P2RY6: variants seen among roughly 807,000 people sequenced by gnomAD.
P2RY6 encodes pyrimidinergic receptor P2Y6, also known as P2Y purinoceptor 6.
A neutral mutation model predicts 16.3 loss-of-function variants in P2RY6; 19 were observed. The observed-to-expected ratio is 1.16, with a 90% confidence interval of 0.81 to 1.71. The LOEUF (loss-of-function observed/expected upper bound fraction) is 1.71. Ranked by LOEUF, P2RY6 falls within the 40% of genes most tolerant of loss-of-function variation. The pLI, the probability that P2RY6 is intolerant of heterozygous loss-of-function variation, is 0.00. For synonymous variants in P2RY6, 184 were observed against 201.5 expected (o/e 0.91, Z 0.74); for missense variants, 389 against 455.5 (o/e 0.85, Z 1.33).
At position 73,297,813 on chromosome 11, in the gene P2RY6, G is replaced by T; in HGVS notation, c.*308G>T. Reference sequence around the variant, plus strand: ...GTGTGACGTGTACTGTCATCAAGGGGTATGCTCCATGCTTTGAGTCACCAA... The same window carrying T: ...GTGTGACGTGTACTGTCATCAAGGGTTATGCTCCATGCTTTGAGTCACCAA... On this transcript the variant is annotated 3_prime_UTR_variant, in exon 3 of 3. Coordinates refer to ENST00000540124, the MANE Select transcript of P2RY6 (RefSeq NM_001277204.2). 2.7e-6 allele frequency: 1 copy of T among 370,232 alleles called. No individual in the cohort carries two copies. The highest frequency in any genetic ancestry group is 5.1e-6 in the Non-Finnish European group (1 of 194,974). The allele number at this position is 370,232 out of a possible 1,614,324, so 22.9% of individuals were successfully genotyped here. A position where few individuals can be genotyped will look rare whatever the true frequency, so the allele number is the denominator to read the frequency against.
upstream of P2RY6, chr11:73,271,432 C>T (rs888563418): frequency 6.6e-6 from 1 of 152,200 alleles, no homozygotes; most frequent in South Asian, 2.1e-4. Context: ...ACTTCTGTCC[C>T]TTTTAAGGGC....
intron 1 of P2RY6, among the ~76,000 whole-genome samples, chr11:73,285,611 G>A (rs1327592606): frequency 6.6e-6 from 1 of 152,224 alleles, no homozygotes; most frequent in Admixed American, 6.5e-5. Context: ...GATCACTGAC[G>A]GATTGGTGGC....
At chr11:73,289,200 G>A (rs974549291) in intron 1 of P2RY6, among the ~76,000 whole-genome samples, 1 of 152,370 alleles carries the variant, frequency 6.6e-6, no homozygotes, top group Admixed American at 6.5e-5. Context: ...TCCATACTGA[G>A]TCGCTCCTGC....
rs1411301152 is a variant in P2RY6 at position 73,290,342 on chromosome 11, AGAAAGAAAGAAAGAAAGAAAGAAG to A, written c.-120-5377_-120-5354del. Among the ~76,000 whole-genome samples the A allele has an allele frequency of 5.3e-3, 776 of 145,896 alleles. 2 individuals are homozygous for A. Among genetic ancestry groups the A allele is most frequent in the African/African-American group, 9.4e-3 (364 of 38,574 alleles). On this transcript the variant is annotated intron_variant, in intron 1 of 2. Coordinates refer to ENST00000540124, the MANE Select transcript of P2RY6 (RefSeq NM_001277204.2). ...AAGAAAGAAAGAAAGAAAGAAAGAA[AGAAAGAAAGAAAGAAAGAAAGAAG>A]GAAAGAAAGAGAAAGAAAGAAGGGA...
chr11:73,281,529 G>C (rs1345075374), intron 1 of P2RY6, among the ~76,000 whole-genome samples: 1 of 152,242 alleles, frequency 6.6e-6, no homozygotes, highest in Admixed American at 6.5e-5. Context: ...ATGGCTTACA[G>C]ACACAGGCTA....
intron 1 of P2RY6, among the ~76,000 whole-genome samples, chr11:73,289,732 T>TG (rs1031350083): frequency 2.6e-4 from 40 of 152,294 alleles, no homozygotes; most frequent in African/African-American, 9.1e-4. Context: ...GCTCCGATTT[T>TG]GGGGGGAACA....
At chr11:73,277,330 T>G (rs1863579557) in intron 1 of P2RY6, among the ~76,000 whole-genome samples, 1 of 101,210 alleles carries the variant, frequency 9.9e-6, no homozygotes, top group South Asian at 2.4e-4. Context: ...GCCAGGCCAG[T>G]CTCAAACTCT....
chr11:73,282,606 A>G (rs1863808212), intron 1 of P2RY6, among the ~76,000 whole-genome samples: 1 of 152,186 alleles, frequency 6.6e-6, no homozygotes, highest in African/African-American at 2.4e-5. Flanking sequence ...TTGATACCAC[A>G]GACAGGGTTA....
rs146195446 is a variant in P2RY6, at chr11:73,285,718, G to A, written c.-120-10012G>A. 3.1e-3 allele frequency among the ~76,000 whole-genome samples: 475 copies of A among 152,298 alleles called. 6 individuals are homozygous for A. The East Asian group carries it at 0.051, about 16-fold the overall frequency. On this transcript the variant is annotated intron_variant, in intron 1 of 2. Transcript: ENST00000540124. Reference sequence around the variant, plus strand: ...AGGCCCCAGGCAGGCAATGAAACAGGACAGAGGGTAGCAAAGGGTTTTGTC... The same window carrying A: ...AGGCCCCAGGCAGGCAATGAAACAGAACAGAGGGTAGCAAAGGGTTTTGTC...
chr11:73,292,658 G>A (rs568147003), intron 1 of P2RY6: 338 of 242,666 alleles, frequency 1.4e-3, no homozygotes, highest in Non-Finnish European at 1.5e-3. Context: ...CGGGAAGGAC[G>A]CCTTTTTTCC....
At chr11:73,273,647 C>T (rs1187673184) in intron 1 of P2RY6, among the ~76,000 whole-genome samples, 2 of 152,280 alleles carry the variant, frequency 1.3e-5, no homozygotes, top group African/African-American at 2.4e-5. Flanking sequence ...AGCCTGCCGA[C>T]TCTTCTCTCC....
At position 73,296,881 on chromosome 11, in the gene P2RY6, C is replaced by T; in HGVS notation, c.363C>T (p.Ser121=). ...GCATCCTCTTCCTCACCTGCATCAG[C>T]TTCCAGCGCTACCTGGGCATCTGCC... is the stretch of plus-strand genomic sequence containing the variant. ...HGSILFLTCI[S]FQRYLGICHP... The change falls in exon 3 of 3, where the codon AGC becomes AGT. Residue 121 remains serine, a synonymous_variant. Transcript: ENST00000540124. 1 of 1,610,590 alleles carries T rather than the reference C, an allele frequency of 6.2e-7. No individual in the cohort carries two copies. The highest frequency in any genetic ancestry group is 8.5e-7 in the Non-Finnish European group (1 of 1,180,042).
At position 73,297,582 on chromosome 11, in the gene P2RY6, G is replaced by T; in HGVS notation, c.*77G>T. ...AGGAGCCCCACCAACCCCAAACCAT[G>T]CGGAGAATTAGAGTTCAGCTCAGCT... On this transcript the variant is annotated 3_prime_UTR_variant, in exon 3 of 3. Coordinates refer to ENST00000540124, the MANE Select transcript of P2RY6 (RefSeq NM_001277204.2). 8.6e-7 allele frequency: 1 copy of T among 1,161,460 alleles called. No individual in the cohort carries two copies. The highest frequency in any genetic ancestry group is 1.2e-6 in the Non-Finnish European group (1 of 806,612). The allele number at this position is 1,161,460 out of a possible 1,614,324, so 71.9% of individuals were successfully genotyped here.
chr11:73,290,535 C>T (rs2135744107), intron 1 of P2RY6, among the ~76,000 whole-genome samples: 1 of 152,340 alleles, frequency 6.6e-6, no homozygotes, highest in South Asian at 2.1e-4. Context: ...CCATCTGAGG[C>T]CCCCTCTTTG....
At chr11:73,272,536 T>C in intron 1 of P2RY6, 70 bp downstream of exon 1, 2 of 984,076 alleles carry the variant, frequency 2.0e-6, no homozygotes, top group South Asian at 9.4e-5. Context: ...CCTGAGTAAC[T>C]GCAGTCCACT....
intron 1 of P2RY6, among the ~76,000 whole-genome samples, chr11:73,290,301 A>AG (rs879293646): frequency 0.016 from 1,832 of 114,006 alleles, 19 homozygotes; most frequent in Middle Eastern, 0.023. Flanking sequence ...AAAGAAAGAA[A>AG]GAAAAGAAAG....
chr11:73,294,627 G>A (rs907317685), intron 1 of P2RY6, among the ~76,000 whole-genome samples: 1 of 152,252 alleles, frequency 6.6e-6, no homozygotes, highest in African/African-American at 2.4e-5. Flanking sequence ...GACATGGGAT[G>A]TGGGCTGCAG....
Position 73,275,619 on chromosome 11 carries a change from G to A in P2RY6, c.-121+3153G>A, listed in dbSNP as rs75196515. 2.7e-4 allele frequency among the ~76,000 whole-genome samples: 41 copies of A among 152,320 alleles called. No individual in the cohort carries two copies. In the East Asian group the frequency reaches 7.5e-3, roughly 28 times the overall value. On this transcript the variant is annotated intron_variant, in intron 1 of 2. Coordinates refer to ENST00000540124, the MANE Select transcript of P2RY6 (RefSeq NM_001277204.2). ...CTCATTCCTCATGCCTTCGCATTGT[G>A]GCCCGCCACGCTCCTGAGAAGGACA...
chr11:73,297,242 G>T lies in P2RY6; in HGVS notation c.724G>T (p.Val242Leu). Residue 242 changes from valine (V) to leucine (L), a missense_variant, in exon 3 of 3, where the codon GTG becomes TTG. Val to Leu is a conservative substitution (Grantham distance 32). Coordinates refer to ENST00000540124, the MANE Select transcript of P2RY6 (RefSeq NM_001277204.2). ...GCGTGGCAAGGCGGCCCGCATGGCCGTGGTGGTGGCTGCTGCCTTTGCCAT... is the reference window on the plus strand; with the variant it reads ...GCGTGGCAAGGCGGCCCGCATGGCCTTGGTGGTGGCTGCTGCCTTTGCCAT... ...ERRGKAARMA[V>L]VVAAAFAISF... is the part of the protein sequence containing the mutation. 1 of 1,604,498 alleles carries T rather than the reference G, an allele frequency of 6.2e-7. No homozygotes were observed.
Sources: gnomAD v4.1 joint callset for allele counts (sites outside exome capture counted in the v4.1 genomes callset) on GRCh38, gnomAD v4.1.1 for gene constraint, MANE v1.5 for transcripts, NCBI Gene and HGNC (gene_info 2026-07-23, HGNC 2026-07-21) for gene names.